The following RYR3 variants were observed in gnomAD, a reference collection of about 807,000 sequenced individuals.
RYR3 encodes the protein brain ryanodine receptor-calcium release channel.
In RYR3, 207 loss-of-function variants were observed where a neutral mutation model predicts 584.3. The observed-to-expected ratio is 0.35, with a 90% confidence interval of 0.32 to 0.40. The LOEUF is 0.40. Among genes scored for constraint, RYR3 ranks in the 10% least tolerant of loss-of-function variants. The pLI, the probability that RYR3 is intolerant of heterozygous loss-of-function variation, is 1.00. For synonymous variants in RYR3, 2,416 were observed against 2,248.5 expected (o/e 1.07, Z -2.11); for missense variants, 5,616 against 6,089.2 (o/e 0.92, Z 2.59).
intron 67 of RYR3, among the ~76,000 whole-genome samples, chr15:33,789,983 C>CTTT (rs1567176157): frequency 1.3e-5 from 1 of 79,756 alleles, no homozygotes; most frequent in Non-Finnish European, 2.4e-5. Context: ...CACGCCTGGC[C>CTTT]TTCTTTTTTT....
intron 32 of RYR3, among the ~76,000 whole-genome samples, chr15:33,654,012 A>C (rs1566882372): frequency 6.6e-6 from 1 of 152,180 alleles, no homozygotes; most frequent in South Asian, 2.1e-4. Flanking sequence ...CTATGAACCT[A>C]GAGTTCCACA....
chr15:33,435,339 G>A, intron 1 of RYR3, among the ~76,000 whole-genome samples: 1 of 130,542 alleles, frequency 7.7e-6, no homozygotes, highest in South Asian at 2.3e-4. Flanking sequence ...TTAATGTTGT[G>A]AGTTTCACGT....
chr15:33,626,308 G>A (rs1291800137), intron 20 of RYR3, among the ~76,000 whole-genome samples: 1 of 152,208 alleles, frequency 6.6e-6, no homozygotes, highest in Non-Finnish European at 1.5e-5. Flanking sequence ...GTTGGGAACT[G>A]TAGTAAAGGT....
At chr15:33,646,040 C>A (rs544754778) in intron 28 of RYR3, among the ~76,000 whole-genome samples, 2 of 152,338 alleles carry the variant, frequency 1.3e-5, no homozygotes, top group South Asian at 4.2e-4. Context: ...AAAAGGTTAG[C>A]CTCTGTGAAC....
chr15:33,451,012 A>G (rs972386797), intron 1 of RYR3, among the ~76,000 whole-genome samples: 1 of 152,150 alleles, frequency 6.6e-6, no homozygotes, highest in African/African-American at 2.4e-5. Context: ...AAACAACCCA[A>G]TGTTGTTAGA....
chr15:33,406,225 C>G (rs993985822), intron 1 of RYR3, among the ~76,000 whole-genome samples: 6 of 152,130 alleles, frequency 3.9e-5, no homozygotes, highest in South Asian at 2.1e-4. Context: ...CATTGGATGC[C>G]AAGGAAATGC....
At chr15:33,441,287 A>G (rs1367481150) in intron 1 of RYR3, among the ~76,000 whole-genome samples, 1 of 152,194 alleles carries the variant, frequency 6.6e-6, no homozygotes, top group Non-Finnish European at 1.5e-5. Flanking sequence ...CTTTTCAGCC[A>G]CAGTATTAAC....
At chr15:33,669,851 G>GTT (rs1566919658) in intron 37 of RYR3, among the ~76,000 whole-genome samples, 1 of 47,046 alleles carries the variant, frequency 2.1e-5, no homozygotes, top group Non-Finnish European at 5.2e-5. Flanking sequence ...TGTGGGGGGG[G>GTT]GGGGGGGTGT....
chr15:33,712,662 G>A (rs1401821393), intron 43 of RYR3, among the ~76,000 whole-genome samples: 1 of 152,190 alleles, frequency 6.6e-6, no homozygotes, highest in Non-Finnish European at 1.5e-5. Context: ...GAAAAATGTG[G>A]AGAGTATGAA....
Position 33,724,117 on chromosome 15 carries a change from A to G in RYR3, c.6853A>G (p.Ile2285Val), listed in dbSNP as rs759536641. 1 of 1,613,348 alleles carries G rather than the reference A, an allele frequency of 6.2e-7. No homozygotes were observed. The highest frequency in any genetic ancestry group is 8.5e-7 in the Non-Finnish European group (1 of 1,179,408). The change falls in exon 45 of 104, where the codon ATT becomes GTT. Residue 2285 changes from isoleucine (I) to valine (V), a missense_variant. Transcript: ENST00000634891. Reference protein sequence around the residue: ...EEEIVHMGNAIMSFYSALIDL... With the variant: ...EEEIVHMGNAVMSFYSALIDL... ...AGAAATCGTGCATATGGGCAATGCA[A>G]TTATGTCATTTTATTCGGCCCTTAT...
At chr15:33,478,456 A>G (rs1282455457) in intron 2 of RYR3, among the ~76,000 whole-genome samples, 1 of 152,208 alleles carries the variant, frequency 6.6e-6, no homozygotes, top group East Asian at 1.9e-4. Flanking sequence ...CAGCTACAAG[A>G]GTCGCTGCAC....
At chr15:33,619,245 A>AT (rs1327807881) in intron 19 of RYR3, among the ~76,000 whole-genome samples, 2 of 152,208 alleles carry the variant, frequency 1.3e-5, no homozygotes, top group Non-Finnish European at 1.5e-5. Flanking sequence ...AATGAATTTG[A>AT]TTTTTTAAAT....
chr15:33,724,385 T>C (rs925485438), intron 45 of RYR3, among the ~76,000 whole-genome samples: 5 of 152,240 alleles, frequency 3.3e-5, no homozygotes, highest in African/African-American at 1.2e-4. Flanking sequence ...ATCCCTGTCT[T>C]GTGTGATTTC....
intron 57 of RYR3, 134 bp downstream of exon 57, chr15:33,750,420 C>G (rs1402955518): frequency 1.2e-6 from 1 of 838,120 alleles, no homozygotes; most frequent in Non-Finnish European, 1.8e-6. Context: ...TATTTTAGAA[C>G]ATGAAGCCCT....
Position 33,859,574 on chromosome 15 carries a change from G to A in RYR3, c.14143-1G>A. On this transcript the variant is annotated splice_acceptor_variant, in intron 99 of 103. Coordinates refer to ENST00000634891, the MANE Select transcript of RYR3 (RefSeq NM_001036.6). LOFTEE classifies it high-confidence loss of function. ...AAATCCCCCTTATTTTTCTTCTCTA[G>A]TGTTACCTTTTCCACATGTACGTGG... The A allele has an allele frequency of 6.2e-7, 1 of 1,613,906 alleles. No individual in the cohort carries two copies. Among genetic ancestry groups the A allele is most frequent in the Non-Finnish European group, 8.5e-7 (1 of 1,179,862 alleles).
chr15:33,732,445 G>C (rs2152823743), intron 48 of RYR3, among the ~76,000 whole-genome samples: 1 of 149,828 alleles, frequency 6.7e-6, no homozygotes, highest in East Asian at 2.0e-4. Flanking sequence ...ACAAATGAAA[G>C]AAAAAACCTC....
At chr15:33,678,053 G>T (rs188314114) in intron 38 of RYR3, among the ~76,000 whole-genome samples, 5 of 152,186 alleles carry the variant, frequency 3.3e-5, no homozygotes, top group African/African-American at 1.2e-4. Flanking sequence ...GGCCATCATC[G>T]TTGGGGAAAT....
At chr15:33,846,518 C>T (rs562073831) in intron 93 of RYR3, among the ~76,000 whole-genome samples, 2 of 152,106 alleles carry the variant, frequency 1.3e-5, no homozygotes, top group East Asian at 1.9e-4. Flanking sequence ...TTTCTTCCTT[C>T]TCTTGAGTAG....
Position 33,311,155 on chromosome 15 carries a change from C to A in RYR3, c.51+59C>A. The stretch of plus-strand genomic sequence containing the variant: ...AGGTGGGGAGGAGCGCGGAGCGCGG[C>A]GAGGAGGGGCTGGCTGCGCTGCGCC... On this transcript the variant is annotated intron_variant, in intron 1 of 103. Transcript: ENST00000634891. The surrounding 1 kb of genome is among the most constrained non-coding windows in gnomAD (Gnocchi z 4.4). The A allele has an allele frequency of 2.2e-6, 3 of 1,356,466 alleles. No individual in the cohort carries two copies. Among genetic ancestry groups the A allele is most frequent in the Admixed American group, 2.2e-5 (1 of 44,482 alleles). The allele number at this position is 1,356,466 out of a possible 1,614,324, so 84.0% of individuals were successfully genotyped here.
Sources: allele counts gnomAD v4.1 joint callset (sites outside exome capture counted in the v4.1 genomes callset), GRCh38; gene constraint gnomAD v4.1.1; non-coding constraint Gnocchi (gnomAD v3.1); transcripts MANE v1.5; gene names NCBI Gene and HGNC (gene_info 2026-07-23, HGNC 2026-07-21).